The following DCUN1D5 variants were observed in gnomAD, a reference collection of about 807,000 sequenced individuals.
DCUN1D5 encodes the protein DCN1-like protein 5.
A neutral mutation model predicts 38.3 loss-of-function variants in DCUN1D5; 10 were observed. The observed-to-expected ratio is 0.26, with a 90% CI of 0.16 to 0.44. The LOEUF is 0.44. DCUN1D5 is among the 20% of genes least tolerant of loss of function. The pLI, the probability that DCUN1D5 is intolerant of heterozygous loss-of-function variation, is 1.00. For missense variants in DCUN1D5, 148 were observed against 275.3 expected, an observed-to-expected ratio of 0.54 and a Z score of 3.27; for synonymous variants, 93 against 90.9, an observed-to-expected ratio of 1.02 and a Z score of -0.13.
chr11:103,066,661 G>A lies in DCUN1D5; in HGVS notation c.342-94C>T, dbSNP rs1370107542. ...AGACGTAATGCATTAAGAAAAAAGTGAGCGCATTTATGAAGTTAATTTAGT... is the reference window on the plus strand; with the variant it reads ...AGACGTAATGCATTAAGAAAAAAGTAAGCGCATTTATGAAGTTAATTTAGT... On this transcript the variant is annotated intron_variant, in intron 4 of 7. Transcript: ENST00000260247. The surrounding 1 kb of genome is among the most constrained non-coding windows in gnomAD (Gnocchi z 4.7). The A allele has an allele frequency of 4.5e-6, 3 of 670,304 alleles. No homozygotes were observed. Among genetic ancestry groups the A allele is most frequent in the Admixed American group, 6.3e-5 (2 of 31,518 alleles). 41.5% of individuals were successfully genotyped at this position (670,304 alleles called of 1,614,324 possible).
In DCUN1D5 at chr11:103,068,210, A is replaced by C. The variant is rs532440590; in HGVS notation, c.342-1643T>G. Among the ~76,000 whole-genome samples the C allele has an allele frequency of 2.6e-5, 4 of 152,294 alleles. No homozygotes were observed. The South Asian group carries it at 8.3e-4, about 32-fold the overall frequency. ...TGACCAATCTTACCAGAATTTAATT[A>C]ATTTAATATAGTATTTAAGGCTATA... On this transcript the variant is annotated intron_variant, in intron 4 of 7. Coordinates refer to ENST00000260247, the MANE Select transcript of DCUN1D5 (RefSeq NM_032299.4).
At position 103,059,107 on chromosome 11, in the gene DCUN1D5, G is replaced by A. The variant is rs1035707516; in HGVS notation, c.*3252C>T. Among the ~76,000 whole-genome samples the A allele has an allele frequency of 2.0e-5, 3 of 152,012 alleles. No homozygotes were observed. Among genetic ancestry groups the A allele is most frequent in the Non-Finnish European group, 2.9e-5 (2 of 68,012 alleles). ...TAGTTTTAAGTACACTTCTTTAAGA[G>A]GGCAGAAGAACAACACCTGGCATTC... On this transcript the variant is annotated 3_prime_UTR_variant, in exon 8 of 8. Coordinates refer to ENST00000260247, the MANE Select transcript of DCUN1D5 (RefSeq NM_032299.4).
chr11:103,065,294 G>T lies in DCUN1D5; in HGVS notation c.556-917C>A, dbSNP rs2134603529. On this transcript the variant is annotated intron_variant, in intron 6 of 7. Transcript: ENST00000260247. The surrounding 1 kb of genome is among the most constrained non-coding windows in gnomAD (Gnocchi z 4.6). Reference sequence around the variant, plus strand: ...AGCCTCCCGAGTAGCTGGGACTACAGGCACAAACCACCACACCCAGCTAAT... The same window carrying T: ...AGCCTCCCGAGTAGCTGGGACTACATGCACAAACCACCACACCCAGCTAAT... Among the ~76,000 whole-genome samples, 1 of 152,116 alleles carries T rather than the reference G, an allele frequency of 6.6e-6. No individual in the cohort carries two copies. The highest frequency in any genetic ancestry group is 2.4e-5 in the African/African-American group (1 of 41,490).
chr11:103,086,637 A>T lies in DCUN1D5; in HGVS notation c.178+2590T>A, dbSNP rs1168372793. 6.6e-6 allele frequency among the ~76,000 whole-genome samples: 1 copy of T among 152,076 alleles called. No individual in the cohort carries two copies. The highest frequency in any genetic ancestry group is 2.4e-5 in the African/African-American group (1 of 41,416). ...ATCTTGCCTACATACCTGTTTACTG[A>T]CTGTCTTCCTCACCAGAAGGCAAGT... On this transcript the variant is annotated intron_variant, in intron 2 of 7. Coordinates refer to ENST00000260247, the MANE Select transcript of DCUN1D5 (RefSeq NM_032299.4). The surrounding 1 kb of genome is among the most constrained non-coding windows in gnomAD (Gnocchi z 4.1).
Position 103,081,063 on chromosome 11 carries a change from C to G in DCUN1D5, c.341+1685G>C, listed in dbSNP as rs558382769. Among the ~76,000 whole-genome samples, 7 of 151,238 alleles carry G rather than the reference C, an allele frequency of 4.6e-5. No individual in the cohort carries two copies. In the East Asian group the frequency reaches 1.4e-3, roughly 29 times the overall value. On this transcript the variant is annotated intron_variant, in intron 4 of 7. Transcript: ENST00000260247. The stretch of plus-strand genomic sequence containing the variant: ...TCAGTTTCTATTCTTGTACGCAAGA[C>G]CATATGATGTTGATTATTCAGAAGT...
At chr11:103,079,048 G>A (rs996916090) in intron 4 of DCUN1D5, among the ~76,000 whole-genome samples, 6 of 152,196 alleles carry the variant, frequency 3.9e-5, no homozygotes, top group South Asian at 2.1e-4. Flanking sequence ...AGCGGCAGGC[G>A]AGTGAGCCAG....
intron 2 of DCUN1D5, among the ~76,000 whole-genome samples, 156 bp downstream of exon 2, chr11:103,089,071 A>G (rs1862785943): frequency 6.6e-6 from 1 of 152,208 alleles, no homozygotes; most frequent in Admixed American, 6.5e-5. Context: ...AATTGGCAAC[A>G]AATTTTTAGT....
intron 4 of DCUN1D5, among the ~76,000 whole-genome samples, chr11:103,070,535 C>G (rs527447629): frequency 3.4e-4 from 52 of 152,180 alleles, no homozygotes; most frequent in African/African-American, 1.2e-3. Context: ...TCTAAGCAAT[C>G]CTATACACGT....
Position 103,091,700 on chromosome 11 carries a change from C to T in DCUN1D5, c.86+87G>A. On this transcript the variant is annotated intron_variant, in intron 1 of 7. Transcript: ENST00000260247. This position sits in a 1 kb window ranked among gnomAD's most constrained non-coding sequence, Gnocchi z 4.3. ...GGGCCTCACCTGTCTCCAGCCCCAG[C>T]CCGGCAGGCCGGGCCCGACTCCTTT... The T allele has an allele frequency of 6.2e-7, 1 of 1,611,104 alleles. No individual in the cohort carries two copies. The highest frequency in any genetic ancestry group is 8.5e-7 in the Non-Finnish European group (1 of 1,178,726).
In DCUN1D5 at chr11:103,060,287, TA is replaced by T. The variant is rs1283169726; in HGVS notation, c.*2071del. ...GTTGACTTTAAGGGAAAAAATAAAG[TA>T]AATTTCATTTTCAGACTCAAAAAGT... On this transcript the variant is annotated 3_prime_UTR_variant, in exon 8 of 8. Coordinates refer to ENST00000260247, the MANE Select transcript of DCUN1D5 (RefSeq NM_032299.4). Among the ~76,000 whole-genome samples the T allele has an allele frequency of 1.3e-5, 2 of 152,148 alleles. No individual in the cohort carries two copies. The highest frequency in any genetic ancestry group is 4.8e-5 in the African/African-American group (2 of 41,442).
intron 4 of DCUN1D5, among the ~76,000 whole-genome samples, chr11:103,069,591 T>C (rs1002405844): frequency 1.6e-4 from 24 of 152,288 alleles, no homozygotes; most frequent in African/African-American, 5.1e-4. Context: ...CTGCCCTAGG[T>C]TGATATAGAG....
intron 4 of DCUN1D5, among the ~76,000 whole-genome samples, chr11:103,080,155 A>C (rs1859556404): frequency 1.3e-5 from 2 of 152,218 alleles, no homozygotes. Flanking sequence ...TAACAGACCA[A>C]CATAGTTATA....
rs117078483 is a variant in DCUN1D5, at chr11:103,058,126, T to A, written c.*4233A>T. Among the ~76,000 whole-genome samples the A allele has an allele frequency of 1.3e-5, 2 of 152,132 alleles. No individual in the cohort carries two copies. The highest frequency in any genetic ancestry group is 4.8e-5 in the African/African-American group (2 of 41,420). ...GTTAAAATCTAACCTTACTATATAGTGTTACTAGATGTATTTTAAGGAATA... is the reference window on the plus strand; with the variant it reads ...GTTAAAATCTAACCTTACTATATAGAGTTACTAGATGTATTTTAAGGAATA... On this transcript the variant is annotated 3_prime_UTR_variant, in exon 8 of 8. Coordinates refer to ENST00000260247, the MANE Select transcript of DCUN1D5 (RefSeq NM_032299.4).
In DCUN1D5 at chr11:103,083,438, T is replaced by C. The variant is rs1254406075; in HGVS notation, c.179-112A>G. On this transcript the variant is annotated intron_variant, in intron 2 of 7. Coordinates refer to ENST00000260247, the MANE Select transcript of DCUN1D5 (RefSeq NM_032299.4). This position sits in a 1 kb window ranked among gnomAD's most constrained non-coding sequence, Gnocchi z 4.4. ...CATAATATTTTGCAAATAATTAAAT[T>C]TGAATTTTGGCATAGCTTTGATAAG... 4 of 590,710 alleles carry C rather than the reference T, an allele frequency of 6.8e-6. No homozygotes were observed. Among genetic ancestry groups the C allele is most frequent in the Non-Finnish European group, 1.2e-5 (4 of 330,250 alleles). 36.6% of individuals were successfully genotyped at this position (590,710 alleles called of 1,614,324 possible). A position where few individuals can be genotyped will look rare whatever the true frequency, so the allele number is the denominator to read the frequency against.
Position 103,087,193 on chromosome 11 carries a change from CAG to C in DCUN1D5, c.178+2032_178+2033del, listed in dbSNP as rs1262470942. Reference sequence around the variant, plus strand: ...TTTTTCTTTTTTTTTTTTTTTGAGGCAGAGTCTCACTCTGTCACCCAGGCTGG... The same window carrying C: ...TTTTTCTTTTTTTTTTTTTTTGAGGCAGTCTCACTCTGTCACCCAGGCTGG... On this transcript the variant is annotated intron_variant, in intron 2 of 7. Coordinates refer to ENST00000260247, the MANE Select transcript of DCUN1D5 (RefSeq NM_032299.4). This position sits in a 1 kb window ranked among gnomAD's most constrained non-coding sequence, Gnocchi z 4.1. 2.1e-5 allele frequency among the ~76,000 whole-genome samples: 3 copies of C among 145,340 alleles called. No individual in the cohort carries two copies. The highest frequency in any genetic ancestry group is 7.7e-5 in the African/African-American group (3 of 38,902).
chr11:103,055,862 G>A lies in DCUN1D5; in HGVS notation c.*6497C>T, dbSNP rs1403598629. On this transcript the variant is annotated 3_prime_UTR_variant, in exon 8 of 8. Transcript: ENST00000260247. The stretch of plus-strand genomic sequence containing the variant: ...ACTGCCCACTCTACATTTTCCTTTG[G>A]ACGTCTGACAGACAAGTCTACCATA... 6.6e-6 allele frequency: 1 copy of A among 152,018 alleles called. No homozygotes were observed. Among genetic ancestry groups the A allele is most frequent in the Admixed American group, 6.6e-5 (1 of 15,244 alleles). The allele number at this position is 152,018 out of a possible 1,614,324, so 9.4% of individuals were successfully genotyped here.
chr11:103,090,616 A>T (rs558563851), intron 1 of DCUN1D5, among the ~76,000 whole-genome samples: 36 of 152,298 alleles, frequency 2.4e-4, no homozygotes, highest in African/African-American at 8.4e-4. Flanking sequence ...GTTATTTTTT[A>T]AAAAAGCATT....
rs769886607 is a variant in DCUN1D5, at chr11:103,062,426, G to T, written c.659-12C>A. The T allele has an allele frequency of 1.9e-6, 3 of 1,609,742 alleles. No individual in the cohort carries two copies. The highest frequency in any genetic ancestry group is 1.7e-5 in the Admixed American group (1 of 58,938). ...AAGAAGAACAGGCCCTAGAAAAAAA[G>T]AAACCATTTTTGTCAGAATTCAGTG... On this transcript the variant is annotated splice_polypyrimidine_tract_variant and intron_variant, in intron 7 of 7. Transcript: ENST00000260247. The surrounding 1 kb of genome is among the most constrained non-coding windows in gnomAD (Gnocchi z 4.6).
rs1862048794 is a variant in DCUN1D5, at chr11:103,062,930, TAGGGG to T, written c.659-521_659-517del. 6.6e-6 allele frequency among the ~76,000 whole-genome samples: 1 copy of T among 152,084 alleles called. No homozygotes were observed. The highest frequency in any genetic ancestry group is 1.5e-5 in the Non-Finnish European group (1 of 67,962). On this transcript the variant is annotated intron_variant, in intron 7 of 7. Transcript: ENST00000260247. This position sits in a 1 kb window ranked among gnomAD's most constrained non-coding sequence, Gnocchi z 4.6. ...TTCTAAAACATATATTTTTATAACG[TAGGGG>T]AGGTCCAAACTCATTTGCTGACAGA...
Sources: gnomAD v4.1 joint callset for allele counts (sites outside exome capture counted in the v4.1 genomes callset) on GRCh38, gnomAD v4.1.1 for gene constraint, Gnocchi (gnomAD v3.1) non-coding constraint, MANE v1.5 for transcripts, NCBI Gene and HGNC (gene_info 2026-07-23, HGNC 2026-07-21) for gene names.